The following FBXO4 variants were observed in gnomAD, a reference collection of about 807,000 sequenced individuals.
FBXO4 encodes the protein F-box only protein 4.
In FBXO4, 36 loss-of-function variants were observed where a neutral mutation model predicts 43.7. The ratio of observed to expected loss-of-function variants is 0.82; its 90% CI spans 0.63 to 1.09. The LOEUF is 1.09. Ranked by LOEUF, FBXO4 falls within the 50% of genes least tolerant of loss-of-function variation. The pLI is 0.00. For synonymous variants in FBXO4, 180 were observed against 165.6 expected, an observed-to-expected ratio of 1.09 and a Z score of -0.67; for missense variants, 435 against 474.1, an observed-to-expected ratio of 0.92 and a Z score of 0.77.
the FBXO4 span, among the ~76,000 whole-genome samples, chr5:42,004,599 A>G: frequency 6.6e-6 from 1 of 152,336 alleles, no homozygotes; most frequent in East Asian, 1.9e-4. Context: ...AAAGTTGGTC[A>G]CTTGTGCAGA....
chr5:41,957,928 T>A, the FBXO4 span, among the ~76,000 whole-genome samples: 2 of 152,104 alleles, frequency 1.3e-5, no homozygotes, highest in Non-Finnish European at 2.9e-5. Flanking sequence ...AGTCCATAAT[T>A]TAGTTGGGTC....
chr5:41,996,974 T>G, the FBXO4 span, among the ~76,000 whole-genome samples: 1 of 152,336 alleles, frequency 6.6e-6, no homozygotes, highest in South Asian at 2.1e-4. Flanking sequence ...GTGTGACATC[T>G]TATGGAAACG....
At chr5:41,969,379 G>A in the FBXO4 span, among the ~76,000 whole-genome samples, 19 of 152,106 alleles carry the variant, frequency 1.2e-4, 1 homozygote, top group South Asian at 1.2e-3. Flanking sequence ...TATTCATGCC[G>A]TTCTCCCCAA....
At chr5:42,026,268 C>T in the FBXO4 span, among the ~76,000 whole-genome samples, 3 of 151,600 alleles carry the variant, frequency 2.0e-5, no homozygotes, top group African/African-American at 4.8e-5. Flanking sequence ...CTGGTTAATT[C>T]CTAGGTGATT....
At chr5:41,984,940 A>G in the FBXO4 span, among the ~76,000 whole-genome samples, 1 of 152,172 alleles carries the variant, frequency 6.6e-6, no homozygotes, top group Non-Finnish European at 1.5e-5. Flanking sequence ...GTCAGTACAC[A>G]ACTTCAGTCT....
At chr5:41,939,638 T>G (rs1751949691) in intron 6 of FBXO4, 22 bp downstream of exon 6, 1 of 1,548,680 alleles carries the variant, frequency 6.5e-7, no homozygotes, top group Non-Finnish European at 8.7e-7. Flanking sequence ...TATACTCTAG[T>G]GACAAAAATT....
chr5:41,982,000 T>C, the FBXO4 span, among the ~76,000 whole-genome samples: 1 of 151,048 alleles, frequency 6.6e-6, no homozygotes, highest in Non-Finnish European at 1.5e-5. Context: ...ACATGCGGTG[T>C]TTGGTTTTTT....
the FBXO4 span, among the ~76,000 whole-genome samples, chr5:41,978,939 A>T: frequency 6.6e-6 from 1 of 152,158 alleles, no homozygotes; most frequent in African/African-American, 2.4e-5. Flanking sequence ...TTCTATTGGG[A>T]TAAAGGTATT....
chr5:42,029,913 C>T, the FBXO4 span, among the ~76,000 whole-genome samples: 15,669 of 151,890 alleles, frequency 0.1, 1,235 homozygotes, highest in African/African-American at 0.22. Flanking sequence ...ATTTCTAATT[C>T]TCTGAAAGGA....
the FBXO4 span, among the ~76,000 whole-genome samples, chr5:42,033,208 T>G: frequency 3.3e-5 from 5 of 152,224 alleles, no homozygotes; most frequent in East Asian, 9.7e-4. Context: ...TCAGCACTCC[T>G]TTAGCTTCCC....
the FBXO4 span, among the ~76,000 whole-genome samples, chr5:41,954,843 A>G: frequency 1.3e-5 from 2 of 152,226 alleles, no homozygotes; most frequent in Non-Finnish European, 2.9e-5. Context: ...GAAAGATAAA[A>G]CATAGACACT....
At chr5:42,011,850 T>C in the FBXO4 span, among the ~76,000 whole-genome samples, 1 of 152,354 alleles carries the variant, frequency 6.6e-6, no homozygotes, top group South Asian at 2.1e-4. Flanking sequence ...TAGATGGACA[T>C]TCCTTGTTTT....
At chr5:41,959,928 G>A in the FBXO4 span, among the ~76,000 whole-genome samples, 1 of 151,802 alleles carries the variant, frequency 6.6e-6, no homozygotes, top group East Asian at 1.9e-4. Context: ...GGATTTTTTT[G>A]AATGTGTAGA....
At chr5:41,986,459 A>C in the FBXO4 span, among the ~76,000 whole-genome samples, 5 of 152,166 alleles carry the variant, frequency 3.3e-5, no homozygotes, top group African/African-American at 1.2e-4. Flanking sequence ...TTTTCAGAGA[A>C]TTTATTGGTT....
Position 41,941,365 on chromosome 5 carries a change from C to A in FBXO4, c.*84C>A. Reference sequence around the variant, plus strand: ...GTGAATATTTGCTCAGTCAGCCCACCTTGTCCTGCCTTTTTGCAGATAGGC... The same window carrying A: ...GTGAATATTTGCTCAGTCAGCCCACATTGTCCTGCCTTTTTGCAGATAGGC... On this transcript the variant is annotated 3_prime_UTR_variant, in exon 7 of 7. Coordinates refer to ENST00000281623, the MANE Select transcript of FBXO4 (RefSeq NM_012176.3). 3 of 1,143,786 alleles carry A rather than the reference C, an allele frequency of 2.6e-6. No homozygotes were observed. Among genetic ancestry groups the A allele is most frequent in the Non-Finnish European group, 3.9e-6 (3 of 765,196 alleles). 70.9% of individuals were successfully genotyped at this position (1,143,786 alleles called of 1,614,324 possible). A position where few individuals can be genotyped will look rare whatever the true frequency, so the allele number is the denominator to read the frequency against.
intron 5 of FBXO4, chr5:41,939,219 AAGGGTAGTGACATCTAC>A: frequency 2.6e-6 from 1 of 382,814 alleles, no homozygotes; most frequent in Non-Finnish European, 4.6e-6. Context: ...CTTTGAATGA[AAGGGTAGTGACATCTAC>A]AGAATTTGTG....
chr5:42,015,464 C>T, the FBXO4 span, among the ~76,000 whole-genome samples: 13 of 152,224 alleles, frequency 8.5e-5, no homozygotes, highest in Admixed American at 3.9e-4. Context: ...TGTCTTCTTC[C>T]CCATCCTCAG....
At chr5:41,981,133 C>T in the FBXO4 span, among the ~76,000 whole-genome samples, 1 of 151,970 alleles carries the variant, frequency 6.6e-6, no homozygotes, top group Admixed American at 6.6e-5. Flanking sequence ...AATACTATAT[C>T]ATTACAATTC....
the FBXO4 span, among the ~76,000 whole-genome samples, chr5:42,033,825 CT>C: frequency 6.6e-6 from 1 of 150,376 alleles, no homozygotes; most frequent in Non-Finnish European, 1.5e-5. Context: ...GTAAATACTG[CT>C]GCATGTGTCT....
Sources: allele counts gnomAD v4.1 joint callset (sites outside exome capture counted in the v4.1 genomes callset), GRCh38; gene constraint gnomAD v4.1.1; transcripts MANE v1.5; gene names NCBI Gene and HGNC (gene_info 2026-07-23, HGNC 2026-07-21).